The following SPTAN1 variants were observed in gnomAD, a reference collection of about 807,000 sequenced individuals.
SPTAN1 encodes the protein spectrin alpha, non-erythrocytic 1.
Under a neutral mutation model 331.3 loss-of-function variants are expected in SPTAN1, and 61 were observed. The observed-to-expected ratio is 0.18, with a 90% CI of 0.15 to 0.23. The LOEUF (loss-of-function observed/expected upper bound fraction) is 0.23, where lower values mean the gene tolerates loss of function less well. Among genes scored for constraint, SPTAN1 ranks in the 10% least tolerant of loss-of-function variants. The pLI is 1.00. For synonymous variants in SPTAN1, 1,153 were observed against 1,173.9 expected (o/e 0.98, Z 0.36); for missense variants, 2,043 against 3,147.9 (o/e 0.65, Z 8.40).
rs112860044 is a variant in SPTAN1 at position 128,565,286 on chromosome 9, C to T, written c.-3-1452C>T. Among the ~76,000 whole-genome samples the T allele has an allele frequency of 3.5e-3, 527 of 152,084 alleles. 1 individual carries two copies. Among genetic ancestry groups the T allele is most frequent in the Non-Finnish European group, 5.1e-3 (344 of 67,994 alleles). On this transcript the variant is annotated intron_variant, in intron 1 of 56. Transcript: ENST00000372739. ...ATTGCACTCCAGCCTGGTGACTGAGCGAGACTCCGTCTCAAACAAAAAACA... is the reference window on the plus strand; with the variant it reads ...ATTGCACTCCAGCCTGGTGACTGAGTGAGACTCCGTCTCAAACAAAAAACA...
intron 11 of SPTAN1, 93 bp downstream of exon 11, chr9:128,581,152 A>T (rs770378486): frequency 1.2e-5 from 18 of 1,548,380 alleles, no homozygotes; most frequent in Non-Finnish European, 1.6e-5. Flanking sequence ...TTAGGACATC[A>T]GTACCATGTT....
chr9:128,604,951 T>A (rs1855632200), intron 29 of SPTAN1, 83 bp from the exon 30 acceptor site: 1 of 1,353,016 alleles, frequency 7.4e-7, no homozygotes, highest in African/African-American at 1.5e-5. Flanking sequence ...AATAAATAAA[T>A]AAATAAATAA....
At position 128,604,442 on chromosome 9, in the gene SPTAN1, A is replaced by T. The variant is rs1172562146; in HGVS notation, c.3719+25A>T. ...GGTGAGGGGTCAGCCCTGGGCTGGG[A>T]GAGGGAGAAACAGGTGACTGCTGGT... On this transcript the variant is annotated intron_variant, in intron 29 of 56. Transcript: ENST00000372739. 4 of 1,602,098 alleles carry T rather than the reference A, an allele frequency of 2.5e-6. No individual in the cohort carries two copies. The South Asian group carries it at 4.5e-5, about 18-fold the overall frequency.
At chr9:128,583,645 A>G (rs1480243725) in intron 15 of SPTAN1, 143 bp from the exon 16 acceptor site, 1 of 902,098 alleles carries the variant, frequency 1.1e-6, no homozygotes, top group Non-Finnish European at 1.7e-6. Flanking sequence ...GCTGCAATTG[A>G]TATTTTCTTT....
At chr9:128,578,587 T>C (rs2131037528) in intron 9 of SPTAN1, among the ~76,000 whole-genome samples, 1 of 152,204 alleles carries the variant, frequency 6.6e-6, no homozygotes, top group Non-Finnish European at 1.5e-5. Context: ...TCCCAGCACT[T>C]TGGAAGGCTG....
chr9:128,630,445 T>G (rs774532821), intron 52 of SPTAN1, 70 bp downstream of exon 52: 175 of 1,529,250 alleles, frequency 1.1e-4, no homozygotes, highest in Non-Finnish European at 1.5e-4. Context: ...ACCCCTTCCC[T>G]TCCTGGCTTA....
intron 21 of SPTAN1, among the ~76,000 whole-genome samples, chr9:128,591,093 G>A (rs911563938): frequency 2.3e-4 from 35 of 151,088 alleles, no homozygotes. Flanking sequence ...ACAGAGTCTC[G>A]CTCTGACGCC....
chr9:128,600,363 G>A (rs950369122), intron 27 of SPTAN1, among the ~76,000 whole-genome samples: 1 of 152,198 alleles, frequency 6.6e-6, no homozygotes, highest in African/African-American at 2.4e-5. Flanking sequence ...AGGATATGCT[G>A]CAGCAGGGAG....
At chr9:128,589,016 G>A in intron 21 of SPTAN1, 73 bp downstream of exon 21, 1 of 1,585,642 alleles carries the variant, frequency 6.3e-7, no homozygotes, top group Non-Finnish European at 8.6e-7. Context: ...GGTTTCTGTG[G>A]GTTGCATGTC....
intron 1 of SPTAN1, among the ~76,000 whole-genome samples, chr9:128,559,306 A>C (rs1039386950): frequency 6.6e-6 from 1 of 152,224 alleles, no homozygotes; most frequent in Non-Finnish European, 1.5e-5. Flanking sequence ...CTGGATTGGC[A>C]GGATCAAATC....
chr9:128,554,015 G>C (rs1290614432), intron 1 of SPTAN1, among the ~76,000 whole-genome samples: 1 of 152,106 alleles, frequency 6.6e-6, no homozygotes, highest in Admixed American at 6.5e-5. Flanking sequence ...TCCTTAACTA[G>C]TCGTTTATTT....
rs1009901303 is a variant in SPTAN1 at position 128,625,544 on chromosome 9, G to A, written c.6070-225G>A. Among the ~76,000 whole-genome samples the A allele has an allele frequency of 1.3e-5, 2 of 152,188 alleles. No individual in the cohort carries two copies. Among genetic ancestry groups the A allele is most frequent in the Non-Finnish European group, 2.9e-5 (2 of 68,020 alleles). On this transcript the variant is annotated intron_variant, in intron 47 of 56. Transcript: ENST00000372739. This position sits in a 1 kb window ranked among gnomAD's most constrained non-coding sequence, Gnocchi z 4.1. ...CAGAGCTGGCAGGGATCCCTGGGGC[G>A]GGAGAGCGGAAGGCTGGGGTCAGGG...
At chr9:128,621,333 G>A in intron 45 of SPTAN1, 77 bp downstream of exon 45, 5 of 1,302,080 alleles carry the variant, frequency 3.8e-6, no homozygotes, top group Non-Finnish European at 5.5e-6. Flanking sequence ...GTCCCCCAAA[G>A]TTCACTTCCT....
chr9:128,603,920 C>T (rs1425410392), intron 28 of SPTAN1, among the ~76,000 whole-genome samples: 2 of 152,208 alleles, frequency 1.3e-5, no homozygotes, highest in South Asian at 2.1e-4. Flanking sequence ...TGTGGCGTGT[C>T]GGCTCTTCCC....
At chr9:128,601,915 A>G (rs1292334112) in intron 27 of SPTAN1, among the ~76,000 whole-genome samples, 2 of 152,096 alleles carry the variant, frequency 1.3e-5, no homozygotes, top group African/African-American at 2.4e-5. Flanking sequence ...CTTCTATTCA[A>G]CTTTCTCTCC....
intron 3 of SPTAN1, among the ~76,000 whole-genome samples, chr9:128,571,783 C>T (rs1385728005): frequency 1.3e-5 from 2 of 152,106 alleles, no homozygotes; most frequent in African/African-American, 4.8e-5. Flanking sequence ...CCCAAAGTCA[C>T]ACAGTTGATA....
intron 1 of SPTAN1, among the ~76,000 whole-genome samples, chr9:128,562,983 CATGTATGTGTATATATATATATATAT>C (rs1185818391): frequency 0.032 from 3,861 of 120,742 alleles, 197 homozygotes; most frequent in African/African-American, 0.13. Context: ...TATATATATA[CATGTATGTGTATATATATATATATAT>C]ATATATATAT....
At chr9:128,633,108 G>A in intron 56 of SPTAN1, 101 bp from the exon 57 acceptor site, 1 of 1,595,852 alleles carries the variant, frequency 6.3e-7, no homozygotes, top group Non-Finnish European at 8.6e-7. Flanking sequence ...GGATCTGCTT[G>A]TAGAAGCAGC....
At chr9:128,618,377 C>T (rs1414037897) in intron 43 of SPTAN1, among the ~76,000 whole-genome samples, 1 of 152,040 alleles carries the variant, frequency 6.6e-6, no homozygotes, top group African/African-American at 2.4e-5. Context: ...ATGAATCACA[C>T]ATGATTCTCC....
Sources: allele counts gnomAD v4.1 joint callset (sites outside exome capture counted in the v4.1 genomes callset), GRCh38; gene constraint gnomAD v4.1.1; non-coding constraint Gnocchi (gnomAD v3.1); transcripts MANE v1.5; gene names NCBI Gene and HGNC (gene_info 2026-07-23, HGNC 2026-07-21).